Variants in FRMD4A observed in about 807,000 individuals in gnomAD.
FRMD4A encodes FERM domain containing 4A.
In FRMD4A, 29 loss-of-function variants were observed where a neutral mutation model predicts 129.1. The ratio of observed to expected loss-of-function variants is 0.22; its 90% CI spans 0.17 to 0.31. The LOEUF is 0.31. Ranked by LOEUF, FRMD4A falls within the 10% of genes least tolerant of loss-of-function variation. The probability of loss-of-function intolerance (pLI) is 1.00; values close to 1 mark genes in which losing one functional copy is unlikely to be tolerated. For synonymous variants in FRMD4A, 634 were observed against 571.6 expected, an observed-to-expected ratio of 1.11 and a Z score of -1.56; for missense variants, 1,272 against 1,375.8, an observed-to-expected ratio of 0.92 and a Z score of 1.19.
At chr10:13,814,580 CAAAAAAAA>C (rs553044764) in intron 3 of FRMD4A, among the ~76,000 whole-genome samples, 8 of 41,392 alleles carry the variant, frequency 1.9e-4, no homozygotes, top group African/African-American at 2.7e-4. Context: ...GACCCTGTTT[CAAAAAAAA>C]AAAAAAAAAA....
chr10:13,884,178 A>T lies in FRMD4A; in HGVS notation c.46-25266T>A, dbSNP rs1203160570. On this transcript the variant is annotated intron_variant, in intron 2 of 24. Transcript: ENST00000357447. The stretch of plus-strand genomic sequence containing the variant: ...CTCTCACACACACACTCACACACTC[A>T]CACACACACACACACACTCACACAC... Among the ~76,000 whole-genome samples the T allele has an allele frequency of 3.0e-3, 303 of 101,130 alleles. 4 individuals are homozygous for T. Among genetic ancestry groups the T allele is most frequent in the African/African-American group, 9.8e-3 (241 of 24,568 alleles). 66.3% of individuals were successfully genotyped at this position (101,130 alleles called of 152,430 possible).
intron 2 of FRMD4A, among the ~76,000 whole-genome samples, chr10:13,998,234 G>A (rs2095629871): frequency 6.6e-6 from 1 of 152,186 alleles, no homozygotes; most frequent in African/African-American, 2.4e-5. Flanking sequence ...ACTGGAGAAT[G>A]TGTAACTCTT....
intron 2 of FRMD4A, among the ~76,000 whole-genome samples, chr10:14,057,582 TTTTTC>T (rs1344176880): frequency 2.7e-5 from 4 of 150,176 alleles, no homozygotes; most frequent in African/African-American, 9.8e-5. Context: ...TCTTTTTTTT[TTTTTC>T]GAGATGGAGA....
intron 3 of FRMD4A, among the ~76,000 whole-genome samples, chr10:13,834,037 G>A (rs548752511): frequency 1.3e-5 from 2 of 152,256 alleles, no homozygotes; most frequent in Admixed American, 6.5e-5. Flanking sequence ...GGGGAGGTGG[G>A]TGGATCACCT....
Position 13,657,096 on chromosome 10 carries a change from C to G in FRMD4A, c.2493G>C (p.Gln831His). ...YLHSQSQPSS[Q>H]YRIKEYPLYI... is the part of the protein sequence containing the mutation. ...ACAGCGGGTACTCCTTGATGCGGTACTGCGAGCTGGGCTGGCTCTGGCTGT... is the reference window on the plus strand; with the variant it reads ...ACAGCGGGTACTCCTTGATGCGGTAGTGCGAGCTGGGCTGGCTCTGGCTGT... Residue 831 changes from glutamine (Q) to histidine (H), a missense_variant, in exon 22 of 25, where the codon CAG becomes CAC. Physicochemically the swap from Gln to His is conservative, Grantham distance 24. Transcript: ENST00000357447. The G allele has an allele frequency of 6.4e-7, 1 of 1,572,106 alleles. No homozygotes were observed. Among genetic ancestry groups the G allele is most frequent in the Non-Finnish European group, 8.6e-7 (1 of 1,165,398 alleles).
At chr10:14,172,102 A>G (rs1042795376) in intron 2 of FRMD4A, among the ~76,000 whole-genome samples, 2 of 152,216 alleles carry the variant, frequency 1.3e-5, no homozygotes, top group Non-Finnish European at 2.9e-5. Flanking sequence ...ATTGTAGGTC[A>G]CTGAATTCAA....
intron 2 of FRMD4A, among the ~76,000 whole-genome samples, chr10:13,872,682 TG>T (rs1222307177): frequency 6.6e-6 from 1 of 152,222 alleles, no homozygotes; most frequent in African/African-American, 2.4e-5. Flanking sequence ...AACTGTTCCC[TG>T]GGGGAACAGT....
At chr10:13,777,791 ATTTTTTTTT>A (rs34059772) in intron 6 of FRMD4A, among the ~76,000 whole-genome samples, 7 of 85,964 alleles carry the variant, frequency 8.1e-5, no homozygotes, top group East Asian at 3.9e-4. Context: ...CTTTGGGTCA[ATTTTTTTTT>A]TTTTTTTTTT....
At chr10:14,319,983 G>T (rs1846912756) in intron 2 of FRMD4A, among the ~76,000 whole-genome samples, 1 of 152,084 alleles carries the variant, frequency 6.6e-6, no homozygotes, top group African/African-American at 2.4e-5. Context: ...CCCTGTGCGT[G>T]TCCCCTGTCA....
At chr10:14,102,896 A>T (rs571918432) in intron 2 of FRMD4A, among the ~76,000 whole-genome samples, 1 of 152,296 alleles carries the variant, frequency 6.6e-6, no homozygotes, top group South Asian at 2.1e-4. Flanking sequence ...GAAATATGAA[A>T]TTAGCTCTCA....
intron 2 of FRMD4A, among the ~76,000 whole-genome samples, chr10:14,325,189 A>G (rs1452417637): frequency 6.6e-6 from 1 of 152,228 alleles, no homozygotes. Context: ...ATGCTTTTTG[A>G]CAGTTGGGAT....
chr10:13,897,547 G>A (rs1450959298), intron 2 of FRMD4A, among the ~76,000 whole-genome samples: 1 of 152,240 alleles, frequency 6.6e-6, no homozygotes, highest in Non-Finnish European at 1.5e-5. Flanking sequence ...TATGCCTGCT[G>A]AGTGCCTCAA....
chr10:14,162,040 A>C (rs1296686006), intron 2 of FRMD4A, among the ~76,000 whole-genome samples: 1 of 151,020 alleles, frequency 6.6e-6, no homozygotes, highest in Non-Finnish European at 1.5e-5. Flanking sequence ...TATATAATTT[A>C]TTTAGACAAA....
At chr10:13,710,833 G>A (rs2087945578) in intron 12 of FRMD4A, among the ~76,000 whole-genome samples, 2 of 152,086 alleles carry the variant, frequency 1.3e-5, no homozygotes, top group African/African-American at 2.4e-5. Flanking sequence ...GGCCAACATA[G>A]CAAAACTCCG....
chr10:13,944,099 T>C (rs1260528880), intron 2 of FRMD4A, among the ~76,000 whole-genome samples: 1 of 152,234 alleles, frequency 6.6e-6, no homozygotes, highest in East Asian at 1.9e-4. Flanking sequence ...GAGCTGTCTC[T>C]TTATTTCTTG....
intron 2 of FRMD4A, among the ~76,000 whole-genome samples, chr10:14,170,921 T>C (rs544363232): frequency 2.6e-5 from 4 of 152,046 alleles, no homozygotes; most frequent in African/African-American, 9.7e-5. Flanking sequence ...TCATGAAAAG[T>C]AAAGACTTGG....
At chr10:14,177,002 T>A (rs10752334) in intron 2 of FRMD4A, among the ~76,000 whole-genome samples, 52 of 152,290 alleles carry the variant, frequency 3.4e-4, no homozygotes, top group Non-Finnish European at 5.3e-4. Flanking sequence ...CTTCCATCCC[T>A]TTGGATTCTT....
At chr10:14,282,850 G>T (rs1207602431) in intron 2 of FRMD4A, among the ~76,000 whole-genome samples, 23 of 152,154 alleles carry the variant, frequency 1.5e-4, no homozygotes, top group Admixed American at 1.5e-3. Flanking sequence ...TCTTCCTTCT[G>T]CCTACTGCTC....
At chr10:13,969,676 C>A (rs1435268012) in intron 2 of FRMD4A, among the ~76,000 whole-genome samples, 1 of 152,094 alleles carries the variant, frequency 6.6e-6, no homozygotes, top group Non-Finnish European at 1.5e-5. Flanking sequence ...CGTAGTGAGA[C>A]CCCCATCTCT....
Sources: gnomAD v4.1 joint callset for allele counts (sites outside exome capture counted in the v4.1 genomes callset) on GRCh38, gnomAD v4.1.1 for gene constraint, MANE v1.5 for transcripts, NCBI Gene and HGNC (gene_info 2026-07-23, HGNC 2026-07-21) for gene names.